EPS8: variants seen among roughly 807,000 people sequenced by gnomAD.
EPS8 encodes EGFR pathway substrate 8, signaling adaptor.
A neutral mutation model predicts 103.8 loss-of-function variants in EPS8; 42 were observed. The observed-to-expected ratio is 0.40, with a 90% CI of 0.32 to 0.52. EPS8 has a LOEUF of 0.52. Ranked by LOEUF, EPS8 falls within the 20% of genes least tolerant of loss-of-function variation. EPS8 has a pLI of 0.40. For missense variants in EPS8, 969 were observed against 1,005.1 expected (o/e 0.96, Z 0.49); for synonymous variants, 344 against 344.6 (o/e 1.00, Z 0.02).
In EPS8 at chr12:15,767,005, T is replaced by C. The variant is rs1344600462; in HGVS notation, c.-22+22156A>G. ...TCCACAAGCCAGTCAAATAGCCATC[T>C]CTGATGTTTAAATATATATATATGA... is the stretch of plus-strand genomic sequence containing the variant. On this transcript the variant is annotated intron_variant, in intron 1 of 20. Coordinates refer to ENST00000281172, the MANE Select transcript of EPS8 (RefSeq NM_004447.6). This position sits in a 1 kb window ranked among gnomAD's most constrained non-coding sequence, Gnocchi z 5.5. Among the ~76,000 whole-genome samples the C allele has an allele frequency of 2.6e-5, 4 of 152,188 alleles. No individual in the cohort carries two copies. The highest frequency in any genetic ancestry group is 7.2e-5 in the African/African-American group (3 of 41,448).
chr12:15,657,406 A>G (rs764847120), intron 12 of EPS8, among the ~76,000 whole-genome samples: 14 of 152,240 alleles, frequency 9.2e-5, no homozygotes, highest in Admixed American at 7.8e-4. Flanking sequence ...GGGAACTCCC[A>G]GTTTTCCTTC....
At chr12:15,754,621 C>G (rs964034240) in intron 1 of EPS8, among the ~76,000 whole-genome samples, 8 of 152,148 alleles carry the variant, frequency 5.3e-5, no homozygotes, top group Non-Finnish European at 1.2e-4. Flanking sequence ...ACTCTCAAAC[C>G]CTTTTTCCAT....
rs1947220832 is a variant in EPS8, at chr12:15,777,684, GA to G, written c.-22+11476del. Among the ~76,000 whole-genome samples, 1 of 152,118 alleles carries G rather than the reference GA, an allele frequency of 6.6e-6. No homozygotes were observed. The highest frequency in any genetic ancestry group is 2.4e-5 in the African/African-American group (1 of 41,414). The stretch of plus-strand genomic sequence containing the variant: ...GTAATTGGAAAGCTATCAAAGTTAT[GA>G]AAAATATACTTTTCTATTAAAGCCA... On this transcript the variant is annotated intron_variant, in intron 1 of 20. Transcript: ENST00000281172. This position sits in a 1 kb window ranked among gnomAD's most constrained non-coding sequence, Gnocchi z 4.7.
chr12:15,741,874 C>G (rs1170861751), intron 1 of EPS8, among the ~76,000 whole-genome samples: 1 of 152,158 alleles, frequency 6.6e-6, no homozygotes, highest in East Asian at 1.9e-4. Context: ...TCCCCCAACC[C>G]TACGACAGGC....
At chr12:15,729,198 A>G (rs1374356519) in intron 1 of EPS8, among the ~76,000 whole-genome samples, 1 of 152,152 alleles carries the variant, frequency 6.6e-6, no homozygotes, top group East Asian at 1.9e-4. Flanking sequence ...AATTTCTGCA[A>G]TTTGAATAAG....
chr12:15,666,347 T>C (rs537463760), intron 7 of EPS8, 93 bp downstream of exon 7: 22 of 889,102 alleles, frequency 2.5e-5, no homozygotes, highest in Middle Eastern at 2.2e-4. Context: ...TACAATAATA[T>C]ACTTCCATAG....
At position 15,728,776 on chromosome 12, in the gene EPS8, A is replaced by G. The variant is rs1463485309; in HGVS notation, c.-21-45804T>C. 6.6e-6 allele frequency among the ~76,000 whole-genome samples: 1 copy of G among 152,232 alleles called. No homozygotes were observed. Among genetic ancestry groups the G allele is most frequent in the African/African-American group, 2.4e-5 (1 of 41,456 alleles). On this transcript the variant is annotated intron_variant, in intron 1 of 20. Coordinates refer to ENST00000281172, the MANE Select transcript of EPS8 (RefSeq NM_004447.6). This position sits in a 1 kb window ranked among gnomAD's most constrained non-coding sequence, Gnocchi z 4.5. ...GAGATGCTATTTCTAGAAATATTTA[A>G]AGCACAATATATGTTAATATCAAAC...
chr12:15,727,895 T>C lies in EPS8; in HGVS notation c.-21-44923A>G, dbSNP rs145949554. Among the ~76,000 whole-genome samples the C allele has an allele frequency of 1.6e-3, 248 of 152,216 alleles. 1 individual carries two copies. Among genetic ancestry groups the C allele is most frequent in the African/African-American group, 4.3e-3 (180 of 41,560 alleles). ...AATAAAATAAATAAGTCTAGTTTCCTTTACTAAGATGCTTTTATCAAGATG... is the reference window on the plus strand; with the variant it reads ...AATAAAATAAATAAGTCTAGTTTCCCTTACTAAGATGCTTTTATCAAGATG... On this transcript the variant is annotated intron_variant, in intron 1 of 20. Transcript: ENST00000281172. This position sits in a 1 kb window ranked among gnomAD's most constrained non-coding sequence, Gnocchi z 4.3.
intron 1 of EPS8, among the ~76,000 whole-genome samples, chr12:15,775,193 T>C (rs909744630): frequency 6.6e-6 from 1 of 152,118 alleles, no homozygotes; most frequent in African/African-American, 2.4e-5. Flanking sequence ...CATTCAAAAT[T>C]CAAGACAATA....
chr12:15,624,810 G>A (rs7975572), intron 18 of EPS8, among the ~76,000 whole-genome samples: 114 of 152,252 alleles, frequency 7.5e-4, no homozygotes, highest in African/African-American at 2.6e-3. Context: ...CTCAACTGGG[G>A]ACAGTTTTGG....
intron 1 of EPS8, among the ~76,000 whole-genome samples, chr12:15,732,454 T>C (rs1042228646): frequency 2.0e-5 from 3 of 152,192 alleles, no homozygotes; most frequent in African/African-American, 7.2e-5. Context: ...CTATCTCATT[T>C]AATCCTAACA....
intron 1 of EPS8, among the ~76,000 whole-genome samples, chr12:15,773,460 C>A (rs1947175634): frequency 6.6e-6 from 1 of 151,072 alleles, no homozygotes; most frequent in East Asian, 1.9e-4. Context: ...TGCACAGGAC[C>A]AAATTATGTG....
At chr12:15,782,993 T>C (rs576565069) in intron 1 of EPS8, among the ~76,000 whole-genome samples, 1 of 152,318 alleles carries the variant, frequency 6.6e-6, no homozygotes, top group Non-Finnish European at 1.5e-5. Context: ...TACAATACCA[T>C]AAACCTTGAA....
At chr12:15,666,661 C>T in intron 6 of EPS8, 139 bp from the exon 7 acceptor site, 1 of 604,806 alleles carries the variant, frequency 1.7e-6, no homozygotes, top group East Asian at 2.9e-5. Flanking sequence ...AAAAATCTTG[C>T]AAAACATGAC....
At chr12:15,666,154 C>T (rs1945705507) in intron 7 of EPS8, among the ~76,000 whole-genome samples, 1 of 152,196 alleles carries the variant, frequency 6.6e-6, no homozygotes, top group Non-Finnish European at 1.5e-5. Flanking sequence ...ATCCTACTGT[C>T]TAGCTTGTAT....
At position 15,736,185 on chromosome 12, in the gene EPS8, C is replaced by A. The variant is rs1171417296; in HGVS notation, c.-22+52976G>T. The stretch of plus-strand genomic sequence containing the variant: ...TACAATCATGAGCCACTGTGCCGGG[C>A]CGAGTTTGTGTTTTAAACCAAAAAC... On this transcript the variant is annotated intron_variant, in intron 1 of 20. Transcript: ENST00000281172. This position sits in a 1 kb window ranked among gnomAD's most constrained non-coding sequence, Gnocchi z 4.2. 1.3e-5 allele frequency among the ~76,000 whole-genome samples: 2 copies of A among 152,192 alleles called. No individual in the cohort carries two copies. The highest frequency in any genetic ancestry group is 4.8e-5 in the African/African-American group (2 of 41,456).
chr12:15,709,095 T>C (rs185252380), intron 1 of EPS8, among the ~76,000 whole-genome samples: 6 of 152,308 alleles, frequency 3.9e-5, no homozygotes, highest in Non-Finnish European at 7.4e-5. Context: ...AACACTGTCA[T>C]ATCACTTCAT....
intron 3 of EPS8, among the ~76,000 whole-genome samples, chr12:15,680,742 G>A (rs754559227): frequency 1.3e-5 from 2 of 152,204 alleles, no homozygotes; most frequent in South Asian, 4.1e-4. Flanking sequence ...ATGTATATGT[G>A]AGACAATCCA....
intron 17 of EPS8, chr12:15,634,734 G>A (rs768329523): frequency 1.1e-4 from 43 of 398,858 alleles, no homozygotes; most frequent in Middle Eastern, 1.3e-3. Context: ...ACGAATGTGG[G>A]TTACCTCTGA....
Sources: allele counts gnomAD v4.1 joint callset (sites outside exome capture counted in the v4.1 genomes callset), GRCh38; gene constraint gnomAD v4.1.1; non-coding constraint Gnocchi (gnomAD v3.1); transcripts MANE v1.5; gene names NCBI Gene and HGNC (gene_info 2026-07-23, HGNC 2026-07-21).